The following BLTP3B variants were observed in gnomAD, a reference collection of about 807,000 sequenced individuals.
BLTP3B encodes the protein UHRF1 (ICBP90) binding protein 1-like.
the BLTP3B span, among the ~76,000 whole-genome samples, chr12:100,070,721 C>T: frequency 2.6e-5 from 4 of 151,968 alleles, no homozygotes; most frequent in East Asian, 5.8e-4. Flanking sequence ...AGGGTGGGTG[C>T]GGTGGCTCAT....
the BLTP3B span, among the ~76,000 whole-genome samples, chr12:100,130,951 T>TACATACATACATAC: frequency 0.011 from 1,508 of 133,092 alleles, 21 homozygotes; most frequent in African/African-American, 0.018. Context: ...CATACATACA[T>TACATACATACATAC]ATATATATAT....
At chr12:100,082,360 T>C in the BLTP3B span, among the ~76,000 whole-genome samples, 3 of 152,240 alleles carry the variant, frequency 2.0e-5, no homozygotes, top group African/African-American at 2.4e-5. Flanking sequence ...AGGATGTCTG[T>C]TGACAGTTTA....
At chr12:100,053,134 G>C in the BLTP3B span, among the ~76,000 whole-genome samples, 1 of 151,916 alleles carries the variant, frequency 6.6e-6, no homozygotes, top group African/African-American at 2.4e-5. Flanking sequence ...GCCAGGCACA[G>C]TGGCTCACAC....
At chr12:100,051,739 C>G in the BLTP3B span, 1 of 152,116 alleles carries the variant, frequency 6.6e-6, no homozygotes, top group African/African-American at 2.4e-5. Context: ...AAGAAGACAT[C>G]TCTGATAAAA....
the BLTP3B span, among the ~76,000 whole-genome samples, chr12:100,068,070 G>A: frequency 2.0e-5 from 3 of 152,120 alleles, no homozygotes; most frequent in African/African-American, 7.2e-5. Context: ...AACAAAACTG[G>A]AGGCATCATA....
chr12:100,065,545 GTGTC>G, the BLTP3B span, among the ~76,000 whole-genome samples: 1 of 152,294 alleles, frequency 6.6e-6, no homozygotes. Context: ...CTCTCTGGAA[GTGTC>G]TGTCTTATGC....
the BLTP3B span, chr12:100,058,700 A>AC: frequency 6.2e-7 from 1 of 1,614,022 alleles, no homozygotes; most frequent in Non-Finnish European, 8.5e-7. Context: ...AAATTCCAAT[A>AC]CAAATGGATG....
At chr12:100,087,142 G>A in the BLTP3B span, among the ~76,000 whole-genome samples, 1 of 119,684 alleles carries the variant, frequency 8.4e-6, no homozygotes, top group South Asian at 2.9e-4. Flanking sequence ...CTGGGCAACA[G>A]AGTGAGACTC....
At chr12:100,112,457 T>C in the BLTP3B span, among the ~76,000 whole-genome samples, 1 of 152,108 alleles carries the variant, frequency 6.6e-6, no homozygotes, top group African/African-American at 2.4e-5. Flanking sequence ...CAGTGATCCA[T>C]AATTTTGCCA....
chr12:100,124,333 T>G, the BLTP3B span, among the ~76,000 whole-genome samples: 1 of 152,114 alleles, frequency 6.6e-6, no homozygotes, highest in Non-Finnish European at 1.5e-5. Flanking sequence ...CAGGGCACAG[T>G]GGCTCACGCC....
At chr12:100,058,842 T>G in the BLTP3B span, 1 of 1,613,966 alleles carries the variant, frequency 6.2e-7, no homozygotes, top group East Asian at 2.2e-5. Context: ...GACATGTTTA[T>G]GAACATGAAC....
the BLTP3B span, among the ~76,000 whole-genome samples, chr12:100,095,002 GTAGA>G: frequency 1.3e-5 from 2 of 152,062 alleles, no homozygotes; most frequent in Admixed American, 6.6e-5. Flanking sequence ...TTTACTAGAG[GTAGA>G]TATAAAAATT....
chr12:100,133,365 G>A, the BLTP3B span, among the ~76,000 whole-genome samples: 351 of 152,328 alleles, frequency 2.3e-3, 1 homozygote, highest in African/African-American at 8.1e-3. Flanking sequence ...GAAATGCTGA[G>A]TCAAAACATT....
At chr12:100,091,701 C>T in the BLTP3B span, among the ~76,000 whole-genome samples, 1 of 151,448 alleles carries the variant, frequency 6.6e-6, no homozygotes, top group East Asian at 2.0e-4. Flanking sequence ...GACAGGGTTT[C>T]ACCGTGTTAG....
the BLTP3B span, among the ~76,000 whole-genome samples, chr12:100,056,893 G>A: frequency 4.6e-5 from 7 of 151,646 alleles, no homozygotes; most frequent in African/African-American, 1.7e-4. Flanking sequence ...ATGTTTTTGT[G>A]TCTGCAGCAA....
At chr12:100,142,791 G>A in the BLTP3B span, 168 of 1,122,852 alleles carry the variant, frequency 1.5e-4, no homozygotes, top group South Asian at 1.3e-3. Flanking sequence ...GGCCACAGCC[G>A]CCGCCGAGAA....
At chr12:100,137,971 G>A in the BLTP3B span, among the ~76,000 whole-genome samples, 1 of 152,272 alleles carries the variant, frequency 6.6e-6, no homozygotes, top group South Asian at 2.1e-4. Flanking sequence ...CTCTCTAGGG[G>A]ATTCTGAAAC....
chr12:100,057,664 T>C, the BLTP3B span: 1 of 1,612,918 alleles, frequency 6.2e-7, no homozygotes, highest in African/African-American at 1.3e-5. Flanking sequence ...TCCAATGACA[T>C]TTGTGAAGAG....
chr12:100,091,452 T>C, the BLTP3B span, among the ~76,000 whole-genome samples: 1 of 151,864 alleles, frequency 6.6e-6, no homozygotes, highest in Non-Finnish European at 1.5e-5. Context: ...CCTCCCAAAG[T>C]ACTGGGATTT....
Sources: allele counts gnomAD v4.1 joint callset (sites outside exome capture counted in the v4.1 genomes callset), GRCh38; gene constraint gnomAD v4.1.1; transcripts MANE v1.5; gene names NCBI Gene and HGNC (gene_info 2026-07-23, HGNC 2026-07-21).